The following LRRTM4 variants were observed in gnomAD, a reference collection of about 807,000 sequenced individuals.
LRRTM4 encodes leucine rich repeat transmembrane neuronal 4, also known as leucine-rich repeat transmembrane neuronal protein 4.
LRRTM4 carries 25 observed loss-of-function variants against 47.6 expected under a neutral mutation model. The ratio of observed to expected loss-of-function variants is 0.53; its 90% CI spans 0.38 to 0.73. The LOEUF (loss-of-function observed/expected upper bound fraction) is 0.73. Among genes scored for constraint, LRRTM4 ranks in the 30% least tolerant of loss-of-function variants. The pLI is 0.00. For missense variants in LRRTM4, 638 were observed against 713.4 expected (o/e 0.89, Z 1.20); for synonymous variants, 311 against 269.5 (o/e 1.15, Z -1.51).
intron 3 of LRRTM4, among the ~76,000 whole-genome samples, chr2:77,145,862 G>T (rs1672246218): frequency 6.6e-6 from 1 of 151,908 alleles, no homozygotes; most frequent in Admixed American, 6.6e-5. Context: ...AATAGCTTGA[G>T]AGCTTTTTTA....
At chr2:76,975,522 T>C (rs1463291780) in intron 3 of LRRTM4, among the ~76,000 whole-genome samples, 1 of 151,680 alleles carries the variant, frequency 6.6e-6, no homozygotes, top group African/African-American at 2.4e-5. Flanking sequence ...CAAAATATTA[T>C]CACCTCTAAT....
chr2:76,892,227 A>C (rs1440337180), intron 3 of LRRTM4, among the ~76,000 whole-genome samples: 1 of 151,640 alleles, frequency 6.6e-6, no homozygotes, highest in Non-Finnish European at 1.5e-5. Context: ...TTCTTAGGAC[A>C]GTTAAATTAC....
intron 3 of LRRTM4, among the ~76,000 whole-genome samples, chr2:77,515,152 C>T (rs1679160137): frequency 6.6e-6 from 1 of 151,740 alleles, no homozygotes; most frequent in Non-Finnish European, 1.5e-5. Context: ...ATCCCTTATA[C>T]TTGTGCTATA....
chr2:77,132,831 A>C (rs1671838908), intron 3 of LRRTM4, among the ~76,000 whole-genome samples: 1 of 152,182 alleles, frequency 6.6e-6, no homozygotes, highest in Non-Finnish European at 1.5e-5. Context: ...ACACAGACTC[A>C]GAAGCATAGT....
intron 3 of LRRTM4, among the ~76,000 whole-genome samples, chr2:77,238,716 A>G (rs960482685): frequency 6.6e-5 from 10 of 152,136 alleles, no homozygotes; most frequent in Admixed American, 5.2e-4. Flanking sequence ...AGAAAAACAC[A>G]TATACAGACA....
At chr2:76,930,974 T>C (rs558343827) in intron 3 of LRRTM4, among the ~76,000 whole-genome samples, 10 of 152,264 alleles carry the variant, frequency 6.6e-5, no homozygotes, top group African/African-American at 1.9e-4. Flanking sequence ...CCTAGTGATG[T>C]TTATAAAACT....
At position 77,444,785 on chromosome 2, in the gene LRRTM4, G is replaced by C. The variant is rs1675984292; in HGVS notation, c.1551+73533C>G. Among the ~76,000 whole-genome samples the C allele has an allele frequency of 2.0e-5, 3 of 151,678 alleles. No individual in the cohort carries two copies. The South Asian group carries it at 6.3e-4, about 32-fold the overall frequency. ...TCCTTCAATCTCCATACTTCCACTT[G>C]CTGGAAAATATCAGAAAGCTAATCA... On this transcript the variant is annotated intron_variant, in intron 3 of 3. Coordinates refer to ENST00000409884, the MANE Select transcript of LRRTM4 (RefSeq NM_001134745.3).
In LRRTM4 at chr2:77,519,468, T is replaced by C. The variant is rs1477909726; in HGVS notation, c.401A>G (p.Asn134Ser). The change falls in exon 3 of 4, where the codon AAT (asparagine) becomes AGT (serine). Residue 134 changes from asparagine (N) to serine (S), a missense_variant. Transcript: ENST00000409884. This position sits in a 1 kb window ranked among gnomAD's most constrained non-coding sequence, Gnocchi z 4.6. ...GTAGGAGAGGTCCAGATTGCGGAGA[T>C]TGGGAACTGGGTGAAATGTTTTATT... ...LHNKTFHPVPNLRNLDLSYNK... is the reference protein window; with the variant it reads ...LHNKTFHPVPSLRNLDLSYNK... 1.2e-5 allele frequency: 19 copies of C among 1,613,286 alleles called. No homozygotes were observed. The highest frequency in any genetic ancestry group is 8.9e-5 in the East Asian group (4 of 44,852).
intron 3 of LRRTM4, among the ~76,000 whole-genome samples, chr2:76,905,450 C>T (rs1423135714): frequency 6.6e-6 from 1 of 152,168 alleles, no homozygotes; most frequent in Non-Finnish European, 1.5e-5. Context: ...CACCTCTCCT[C>T]CTCCAAAGGA....
intron 3 of LRRTM4, among the ~76,000 whole-genome samples, chr2:76,921,819 G>C (rs965825692): frequency 6.6e-5 from 10 of 152,050 alleles, no homozygotes; most frequent in African/African-American, 1.9e-4. Context: ...CCCTGCACAA[G>C]CATTAGAATC....
At chr2:77,265,163 T>A (rs1356855689) in intron 3 of LRRTM4, among the ~76,000 whole-genome samples, 1 of 152,124 alleles carries the variant, frequency 6.6e-6, no homozygotes, top group Non-Finnish European at 1.5e-5. Context: ...GGTGATTTTA[T>A]CTATTTCCTA....
intron 3 of LRRTM4, among the ~76,000 whole-genome samples, chr2:76,755,516 A>C (rs1468643543): frequency 6.6e-6 from 1 of 152,270 alleles, no homozygotes; most frequent in East Asian, 1.9e-4. Flanking sequence ...CTTCTGCAAG[A>C]CAGAGAGGAC....
At chr2:77,401,525 A>T (rs1673954235) in intron 3 of LRRTM4, among the ~76,000 whole-genome samples, 1 of 151,884 alleles carries the variant, frequency 6.6e-6, no homozygotes, top group Non-Finnish European at 1.5e-5. Flanking sequence ...CATAGACTTT[A>T]TCTTGTTCAC....
chr2:77,081,844 G>A (rs1680544834), intron 3 of LRRTM4, among the ~76,000 whole-genome samples: 1 of 152,064 alleles, frequency 6.6e-6, no homozygotes, highest in East Asian at 1.9e-4. Flanking sequence ...ATCATTCCTG[G>A]AAGCAATACT....
chr2:77,418,040 A>AT (rs144063398), intron 3 of LRRTM4, among the ~76,000 whole-genome samples: 12,283 of 152,240 alleles, frequency 0.081, 1,689 homozygotes, highest in African/African-American at 0.28. Flanking sequence ...GTTTAATGGC[A>AT]TAGGATGATT....
intron 3 of LRRTM4, among the ~76,000 whole-genome samples, chr2:77,444,658 A>G (rs10194015): frequency 0.041 from 6,250 of 152,102 alleles, 143 homozygotes; most frequent in Non-Finnish European, 0.059. Context: ...AAAAATATAA[A>G]AATCTTTTAA....
chr2:77,187,869 T>A (rs1673554500), intron 3 of LRRTM4, among the ~76,000 whole-genome samples: 1 of 152,038 alleles, frequency 6.6e-6, no homozygotes, highest in Non-Finnish European at 1.5e-5. Flanking sequence ...TTTTTTCTTA[T>A]GAAAAAATAA....
At chr2:77,179,169 G>A (rs975844224) in intron 3 of LRRTM4, among the ~76,000 whole-genome samples, 2 of 152,154 alleles carry the variant, frequency 1.3e-5, no homozygotes, top group African/African-American at 2.4e-5. Flanking sequence ...GGATGCCCCA[G>A]TCAATAAGTG....
chr2:76,881,399 A>C (rs1672924319), intron 3 of LRRTM4, among the ~76,000 whole-genome samples: 1 of 134,546 alleles, frequency 7.4e-6, no homozygotes, highest in South Asian at 2.3e-4. Context: ...ATTCATAATG[A>C]TAATATGTGT....
Sources: gnomAD v4.1 joint callset for allele counts (sites outside exome capture counted in the v4.1 genomes callset) on GRCh38, gnomAD v4.1.1 for gene constraint, Gnocchi (gnomAD v3.1) non-coding constraint, MANE v1.5 for transcripts, NCBI Gene and HGNC (gene_info 2026-07-23, HGNC 2026-07-21) for gene names.